The following AP1S2 variants were observed in gnomAD, a reference collection of about 807,000 sequenced individuals.
The protein encoded by AP1S2 is adaptor related protein complex 1 subunit sigma 2, also known as AP-1 complex subunit sigma-2.
In AP1S2, 1 loss-of-function variant was observed where a neutral mutation model predicts 14.3. That is an observed-to-expected ratio of 0.07 (90% CI 0.02 to 0.33). The LOEUF is 0.33. Among genes scored for constraint, AP1S2 ranks in the 10% least tolerant of loss-of-function variants. AP1S2 has a pLI of 0.99. For missense variants in AP1S2, 30 were observed against 117.7 expected, an observed-to-expected ratio of 0.25 and a Z score of 3.45; for synonymous variants, 30 against 40.5, an observed-to-expected ratio of 0.74 and a Z score of 0.99.
intron 4 of AP1S2, among the ~76,000 whole-genome samples, chrX:15,835,139 ATGAC>A (rs1933591607): frequency 8.9e-6 from 1 of 112,566 alleles, no homozygotes; most frequent in Admixed American, 9.4e-5. Flanking sequence ...TCGAATATCT[ATGAC>A]TGAATGCCTA....
intron 4 of AP1S2, chrX:15,844,978 C>T: frequency 1.3e-6 from 1 of 747,835 alleles, no homozygotes; most frequent in Non-Finnish European, 1.6e-6. Flanking sequence ...GTCATAATCT[C>T]ATAGTCAACT....
intron 4 of AP1S2, among the ~76,000 whole-genome samples, chrX:15,838,883 G>A (rs1933735805): frequency 1.8e-5 from 2 of 110,745 alleles, no homozygotes; most frequent in South Asian, 7.7e-4. Flanking sequence ...AGGTATCTGG[G>A]ACTACAGGTG....
intron 2 of AP1S2, among the ~76,000 whole-genome samples, chrX:15,850,416 A>G (rs1380754446): frequency 9.1e-6 from 1 of 110,399 alleles, no homozygotes; most frequent in Non-Finnish European, 1.9e-5. Context: ...CAGTGGCCCA[A>G]TCAGGGCTCA....
intron 4 of AP1S2, among the ~76,000 whole-genome samples, chrX:15,841,744 T>C: frequency 8.9e-6 from 1 of 112,299 alleles, no homozygotes; most frequent in East Asian, 2.8e-4. Flanking sequence ...GGAAATCTAC[T>C]CTTTTCCACA....
At chrX:15,842,962 G>A (rs753372323) in intron 4 of AP1S2, among the ~76,000 whole-genome samples, 2 of 106,696 alleles carry the variant, frequency 1.9e-5, no homozygotes, top group East Asian at 5.8e-4. Flanking sequence ...GGAAGCGGAG[G>A]TTGCAGAGAG....
At chrX:15,828,579 C>T (rs773123187) in intron 4 of AP1S2, among the ~76,000 whole-genome samples, 5 of 110,775 alleles carry the variant, frequency 4.5e-5, no homozygotes, top group African/African-American at 1.3e-4. Flanking sequence ...TCAGCTTTAG[C>T]GAAAAAAGGT....
intron 4 of AP1S2, among the ~76,000 whole-genome samples, chrX:15,843,126 T>C (rs911440882): frequency 4.5e-5 from 5 of 111,675 alleles, no homozygotes; most frequent in Non-Finnish European, 9.4e-5. Flanking sequence ...TATGTACATA[T>C]ACACACACAA....
At position 15,854,762 on chromosome X, in the gene AP1S2, C is replaced by G. The variant is rs1934292227; in HGVS notation, c.-75G>C. 2 of 818,429 alleles carry G rather than the reference C, an allele frequency of 2.4e-6. No individual in the cohort carries two copies. The highest frequency in any genetic ancestry group is 3.8e-5 in the South Asian group (1 of 26,018). The allele number at this position is 818,429 out of a possible 1,213,427, so 67.4% of individuals were successfully genotyped here. ...GCGGCGAAGGGGAAGCCCCTGTCGC[C>G]GTGCTGAGGAAGAGAAGCCGTGGTG... On this transcript the variant is annotated 5_prime_UTR_variant, in exon 1 of 6. Transcript: ENST00000672987.
chrX:15,846,865 C>A (rs1238216074), intron 2 of AP1S2, among the ~76,000 whole-genome samples: 1 of 111,849 alleles, frequency 8.9e-6, no homozygotes, highest in East Asian at 2.8e-4. Context: ...AACTTATATT[C>A]TCCTTCAAAT....
chrX:15,840,620 G>A, intron 4 of AP1S2: 1 of 845,263 alleles, frequency 1.2e-6, no homozygotes, highest in South Asian at 2.1e-5. Context: ...GAGAAAAACT[G>A]GTAAGTGCTT....
At position 15,854,672 on chromosome X, in the gene AP1S2, G is replaced by T. The variant is rs1426372265; in HGVS notation, c.-1+16C>A. 1.5e-6 allele frequency: 1 copy of T among 688,589 alleles called. No individual in the cohort carries two copies. The allele number at this position is 688,589 out of a possible 1,213,427, so 56.7% of individuals were successfully genotyped here. A position where few individuals can be genotyped will look rare whatever the true frequency, so the allele number is the denominator to read the frequency against. ...TCCCCCATCCCCGGCGCCCCCTTTC[G>T]CCCCCAGGGACTTACGGCGGCCGCG... On this transcript the variant is annotated intron_variant, in intron 1 of 5. Coordinates refer to ENST00000672987, the MANE Select transcript of AP1S2 (RefSeq NM_001272071.2).
chrX:15,836,823 G>C (rs1027574340), intron 4 of AP1S2, among the ~76,000 whole-genome samples: 5 of 112,178 alleles, frequency 4.5e-5, no homozygotes, highest in Non-Finnish European at 9.4e-5. Flanking sequence ...GTTCAAGGCT[G>C]CAAGTGAGCC....
In AP1S2 at chrX:15,825,876, GTTAT is replaced by G. The variant is rs768675757; in HGVS notation, c.*1445_*1448del. 87 of 116,249 alleles carry G rather than the reference GTTAT, an allele frequency of 7.5e-4. No homozygotes were observed. The highest frequency in any genetic ancestry group is 2.7e-3 in the African/African-American group (81 of 30,328). 9.6% of individuals were successfully genotyped at this position (116,249 alleles called of 1,213,427 possible). On this transcript the variant is annotated 3_prime_UTR_variant, in exon 6 of 6. Coordinates refer to ENST00000672987, the MANE Select transcript of AP1S2 (RefSeq NM_001272071.2). Reference sequence around the variant, plus strand: ...GATAGGCTCTCAGTATGGAATCCATGTTATTTTTTAATGAAGTACATGAAGACTC... The same window carrying G: ...GATAGGCTCTCAGTATGGAATCCATGTTTTTAATGAAGTACATGAAGACTC...
chrX:15,839,287 A>G (rs1380387243), intron 4 of AP1S2, among the ~76,000 whole-genome samples: 1 of 112,312 alleles, frequency 8.9e-6, no homozygotes, highest in Non-Finnish European at 1.9e-5. Context: ...TAGTAATTAC[A>G]AAGGAGTTAC....
At chrX:15,849,976 T>G (rs1934122297) in intron 2 of AP1S2, among the ~76,000 whole-genome samples, 1 of 111,843 alleles carries the variant, frequency 8.9e-6, no homozygotes, top group South Asian at 3.7e-4. Flanking sequence ...ACTATTCCAC[T>G]GAAAATGTTC....
intron 4 of AP1S2, among the ~76,000 whole-genome samples, chrX:15,838,267 A>G (rs1455606324): frequency 9.0e-6 from 1 of 111,340 alleles, no homozygotes; most frequent in Non-Finnish European, 1.9e-5. Flanking sequence ...AATGTCCCCT[A>G]GAGGGGCACA....
chrX:15,846,279 A>C (rs1032331802), intron 2 of AP1S2, among the ~76,000 whole-genome samples: 2 of 111,989 alleles, frequency 1.8e-5, no homozygotes, highest in African/African-American at 6.5e-5. Flanking sequence ...CTTTTCTATA[A>C]GCATTTTAAA....
At chrX:15,841,569 A>G (rs935862597) in intron 4 of AP1S2, among the ~76,000 whole-genome samples, 1 of 112,293 alleles carries the variant, frequency 8.9e-6, no homozygotes, top group Admixed American at 9.5e-5. Context: ...ACCCCAAACT[A>G]TAAGACCAAA....
At position 15,852,459 on chromosome X, in the gene AP1S2, T is replaced by C. The variant is rs372822299; in HGVS notation, c.66A>G (p.Leu22=). The change falls in exon 2 of 6, where the codon CTA becomes CTG. Residue 22 remains leucine, a synonymous_variant. Transcript: ENST00000672987. Reference sequence around the variant, plus strand: ...TGATCTTTTTCTTCTCTTTGTCTGATAGTGGGACATACCATTTTTGCAGTC... The same window carrying C: ...TGATCTTTTTCTTCTCTTTGTCTGACAGTGGGACATACCATTTTTGCAGTC... ...KLRLQKWYVP[L]SDKEKKKITR... The C allele has an allele frequency of 1.2e-5, 15 of 1,211,354 alleles. No individual in the cohort carries two copies. The highest frequency in any genetic ancestry group is 6.9e-5 in the African/African-American group (4 of 57,894).
Sources: allele counts gnomAD v4.1 joint callset (sites outside exome capture counted in the v4.1 genomes callset), GRCh38; gene constraint gnomAD v4.1.1; transcripts MANE v1.5; gene names NCBI Gene and HGNC (gene_info 2026-07-23, HGNC 2026-07-21).